The following ADGRB3 variants were observed in gnomAD, a reference collection of about 807,000 sequenced individuals.
The protein encoded by ADGRB3 is brain-specific angiogenesis inhibitor 3.
A neutral mutation model predicts 193.4 loss-of-function variants in ADGRB3; 37 were observed. The observed-to-expected ratio is 0.19, with a 90% confidence interval of 0.15 to 0.25. The LOEUF (loss-of-function observed/expected upper bound fraction) is 0.25, where lower values mean the gene tolerates loss of function less well. Ranked by LOEUF, ADGRB3 falls within the 10% of genes least tolerant of loss-of-function variation. The pLI is 1.00. For synonymous variants in ADGRB3, 690 were observed against 644.2 expected (o/e 1.07, Z -1.08); for missense variants, 1,637 against 1,852.9 (o/e 0.88, Z 2.14).
At chr6:68,879,626 G>A (rs1207588368) in intron 3 of ADGRB3, among the ~76,000 whole-genome samples, 2 of 152,110 alleles carry the variant, frequency 1.3e-5, no homozygotes, top group African/African-American at 2.4e-5. Flanking sequence ...TAGAAAAAAA[G>A]CATGTGTGTG....
rs532175489 is a variant in ADGRB3, at chr6:68,977,303, A to AT, written c.1734+1972dup. ...AAATGTATAAATTAAATTTTAATGGATTTTTTTTTCTAATTTTAGTCATTA... is the reference window on the plus strand; with the variant it reads ...AAATGTATAAATTAAATTTTAATGGATTTTTTTTTTCTAATTTTAGTCATTA... On this transcript the variant is annotated intron_variant, in intron 10 of 31. Transcript: ENST00000370598. 6.1e-4 allele frequency among the ~76,000 whole-genome samples: 92 copies of AT among 151,336 alleles called. 1 individual carries two copies. In the East Asian group the frequency reaches 0.011, roughly 19 times the overall value.
chr6:68,999,389 C>T (rs911121677), intron 11 of ADGRB3, among the ~76,000 whole-genome samples: 1 of 151,794 alleles, frequency 6.6e-6, no homozygotes, highest in African/African-American at 2.4e-5. Flanking sequence ...CTCAGCCTCC[C>T]GAGTAGCTGG....
chr6:69,377,142 C>T (rs1408985048), intron 30 of ADGRB3, among the ~76,000 whole-genome samples: 3 of 151,996 alleles, frequency 2.0e-5, no homozygotes, highest in African/African-American at 4.8e-5. Flanking sequence ...GCATTGCTTC[C>T]TTAATATGAG....
At chr6:68,933,452 G>A (rs1203847335) in intron 4 of ADGRB3, among the ~76,000 whole-genome samples, 1 of 152,088 alleles carries the variant, frequency 6.6e-6, no homozygotes, top group South Asian at 2.1e-4. Flanking sequence ...AATTAGCTGG[G>A]TGTGGTGGCG....
intron 3 of ADGRB3, among the ~76,000 whole-genome samples, chr6:68,909,328 T>C (rs1057196669): frequency 6.6e-6 from 1 of 152,206 alleles, no homozygotes; most frequent in Non-Finnish European, 1.5e-5. Flanking sequence ...CCTGTGTGTA[T>C]TTACTTTTAG....
intron 3 of ADGRB3, among the ~76,000 whole-genome samples, chr6:68,861,491 G>T (rs1056479427): frequency 1.3e-5 from 2 of 152,192 alleles, no homozygotes; most frequent in South Asian, 4.1e-4. Flanking sequence ...GAACCCGGGA[G>T]GTGGAGCTTG....
intron 10 of ADGRB3, among the ~76,000 whole-genome samples, chr6:68,985,364 C>T (rs945374189): frequency 4.6e-5 from 7 of 152,050 alleles, no homozygotes; most frequent in Non-Finnish European, 8.8e-5. Context: ...TTTTATCCAG[C>T]GTTGATATTT....
chr6:69,120,455 C>T (rs571938882), intron 17 of ADGRB3, among the ~76,000 whole-genome samples: 1 of 152,286 alleles, frequency 6.6e-6, no homozygotes, highest in East Asian at 1.9e-4. Context: ...ACTACTTTTC[C>T]AGAATGGGAA....
At chr6:68,860,178 A>C (rs1395093397) in intron 3 of ADGRB3, among the ~76,000 whole-genome samples, 1 of 152,170 alleles carries the variant, frequency 6.6e-6, no homozygotes, top group African/African-American at 2.4e-5. Flanking sequence ...CATAAAAAGA[A>C]AATCAAGCCT....
intron 17 of ADGRB3, among the ~76,000 whole-genome samples, chr6:69,146,735 T>C (rs1774507295): frequency 6.6e-6 from 1 of 152,206 alleles, no homozygotes. Context: ...TCTTTAAATG[T>C]TTGCTAGAAT....
intron 3 of ADGRB3, among the ~76,000 whole-genome samples, chr6:68,705,820 G>T (rs978551655): frequency 9.2e-5 from 14 of 152,272 alleles, no homozygotes; most frequent in Middle Eastern, 6.8e-3. Context: ...TACAGCATGG[G>T]CAAGTGAGAA....
intron 11 of ADGRB3, among the ~76,000 whole-genome samples, chr6:69,005,037 T>C (rs1389365173): frequency 3.0e-4 from 46 of 152,128 alleles, no homozygotes; most frequent in Admixed American, 3.0e-3. Flanking sequence ...ACTCATTACC[T>C]TATTCCTCAC....
At chr6:68,769,268 A>G (rs1766569983) in intron 3 of ADGRB3, among the ~76,000 whole-genome samples, 1 of 152,250 alleles carries the variant, frequency 6.6e-6, no homozygotes, top group African/African-American at 2.4e-5. Context: ...TATTCACAAT[A>G]GCAAAGAGTT....
At chr6:68,932,602 T>G (rs1034128642) in intron 4 of ADGRB3, among the ~76,000 whole-genome samples, 2 of 152,018 alleles carry the variant, frequency 1.3e-5, no homozygotes, top group Non-Finnish European at 2.9e-5. Context: ...TTTCCTAGAT[T>G]ATACTTTTTT....
intron 17 of ADGRB3, among the ~76,000 whole-genome samples, chr6:69,084,479 A>T (rs943797440): frequency 1.3e-5 from 2 of 152,180 alleles, no homozygotes; most frequent in African/African-American, 4.8e-5. Flanking sequence ...TAAATCCAAA[A>T]CATTGCCAGT....
chr6:68,817,304 CATGTATATATATATATATAT>C (rs1226557952), intron 3 of ADGRB3, among the ~76,000 whole-genome samples: 3,926 of 57,086 alleles, frequency 0.069, 207 homozygotes, highest in Non-Finnish European at 0.088. Flanking sequence ...CCCTTTTGTC[CATGTATATATATATATATAT>C]ATATATATAT....
intron 3 of ADGRB3, among the ~76,000 whole-genome samples, chr6:68,896,487 G>A (rs550517778): frequency 2.0e-5 from 3 of 152,178 alleles, no homozygotes; most frequent in East Asian, 1.9e-4. Context: ...AGAAAATGCC[G>A]AGAATTTTGC....
intron 11 of ADGRB3, among the ~76,000 whole-genome samples, chr6:69,009,691 C>T (rs1769875784): frequency 6.6e-6 from 1 of 152,078 alleles, no homozygotes; most frequent in Non-Finnish European, 1.5e-5. Context: ...TTCTGTAGTT[C>T]ACCCTATATT....
chr6:69,106,453 C>T (rs17403632), intron 17 of ADGRB3, among the ~76,000 whole-genome samples: 9,239 of 152,060 alleles, frequency 0.061, 346 homozygotes, highest in South Asian at 0.11. Context: ...CGTATTAGTA[C>T]TAAAAATGTA....
Sources: gnomAD v4.1 joint callset for allele counts (sites outside exome capture counted in the v4.1 genomes callset) on GRCh38, gnomAD v4.1.1 for gene constraint, MANE v1.5 for transcripts, NCBI Gene and HGNC (gene_info 2026-07-23, HGNC 2026-07-21) for gene names.